NTM: variants seen among roughly 807,000 people sequenced by gnomAD.
NTM encodes the protein IgLON family member 2.
Under a neutral mutation model 42.1 loss-of-function variants are expected in NTM, and 13 were observed. The ratio of observed to expected loss-of-function variants is 0.31; its 90% confidence interval spans 0.20 to 0.49. The LOEUF (loss-of-function observed/expected upper bound fraction) is 0.49, where lower values mean the gene tolerates loss of function less well. Ranked by LOEUF, NTM falls within the 20% of genes least tolerant of loss-of-function variation. NTM has a pLI of 0.99. For missense variants in NTM, 373 were observed against 452.8 expected, an observed-to-expected ratio of 0.82 and a Z score of 1.60; for synonymous variants, 187 against 179.2, an observed-to-expected ratio of 1.04 and a Z score of -0.35.
chr11:132,069,705 C>CAAGTT (rs1431751388), intron 2 of NTM, among the ~76,000 whole-genome samples: 1 of 149,900 alleles, frequency 6.7e-6, no homozygotes, highest in African/African-American at 2.5e-5. Context: ...GTCACACAGC[C>CAAGTT]AGGTTAACAC....
At chr11:131,857,963 T>C (rs758009908) in intron 1 of NTM, among the ~76,000 whole-genome samples, 2 of 151,942 alleles carry the variant, frequency 1.3e-5, no homozygotes, top group Non-Finnish European at 2.9e-5. Flanking sequence ...TCCTGACAGC[T>C]CTCCCCCTTT....
chr11:131,387,310 C>T (rs1943442688), intron 1 of NTM, among the ~76,000 whole-genome samples: 2 of 152,158 alleles, frequency 1.3e-5, no homozygotes, highest in African/African-American at 4.8e-5. Flanking sequence ...CTCTCTCTCT[C>T]TCTCTCCCTC....
intron 2 of NTM, among the ~76,000 whole-genome samples, chr11:132,106,304 A>G (rs148142179): frequency 1.3e-5 from 2 of 152,264 alleles, no homozygotes; most frequent in East Asian, 3.9e-4. Context: ...CTTTTGTATG[A>G]TATTTCAACT....
At chr11:131,612,348 A>T (rs948146681) in intron 1 of NTM, among the ~76,000 whole-genome samples, 1 of 152,238 alleles carries the variant, frequency 6.6e-6, no homozygotes, top group African/African-American at 2.4e-5. Flanking sequence ...AGCTTAGGCT[A>T]TGGCCTGCTT....
chr11:131,639,034 A>G (rs146084102), intron 1 of NTM, among the ~76,000 whole-genome samples: 8 of 152,364 alleles, frequency 5.3e-5, no homozygotes, highest in Non-Finnish European at 1.0e-4. Context: ...ATATGAGAAT[A>G]CTGAGACACA....
intron 1 of NTM, among the ~76,000 whole-genome samples, chr11:131,396,368 G>A (rs890352020): frequency 3.3e-5 from 5 of 152,124 alleles, no homozygotes; most frequent in African/African-American, 1.2e-4. Context: ...GAGCTTCTCT[G>A]CCACTTTCCT....
intron 2 of NTM, among the ~76,000 whole-genome samples, chr11:131,926,028 C>A (rs1176906767): frequency 6.6e-6 from 1 of 152,084 alleles, no homozygotes; most frequent in Non-Finnish European, 1.5e-5. Flanking sequence ...CTCCTATGAG[C>A]CAGGAGCTGT....
intron 1 of NTM, among the ~76,000 whole-genome samples, chr11:131,680,387 C>CTGTG (rs377215170): frequency 1.4e-5 from 1 of 69,582 alleles, no homozygotes; most frequent in African/African-American, 4.8e-5. Context: ...CTGTGAGTGC[C>CTGTG]TGTGTGTGTG....
chr11:131,475,901 A>C (rs776276071), intron 1 of NTM, among the ~76,000 whole-genome samples: 4 of 152,238 alleles, frequency 2.6e-5, no homozygotes, highest in Non-Finnish European at 5.9e-5. Flanking sequence ...AGATAAAGAC[A>C]CATTCAAAAT....
At chr11:132,301,064 A>C (rs2094829286) in intron 4 of NTM, among the ~76,000 whole-genome samples, 1 of 152,222 alleles carries the variant, frequency 6.6e-6, no homozygotes, top group South Asian at 2.1e-4. Flanking sequence ...CACTGCTATA[A>C]GGACATACCC....
chr11:132,082,396 A>G (rs6590616), intron 2 of NTM, among the ~76,000 whole-genome samples: 38,324 of 152,070 alleles, frequency 0.25, 5,137 homozygotes, highest in African/African-American at 0.32. Flanking sequence ...CTCCCAGCAT[A>G]AGGCATGAAT....
intron 1 of NTM, among the ~76,000 whole-genome samples, chr11:131,884,827 C>T (rs572299): frequency 6.6e-6 from 1 of 152,150 alleles, no homozygotes; most frequent in Non-Finnish European, 1.5e-5. Context: ...GACAAAGGCT[C>T]TTTTGTAGAA....
chr11:131,789,554 A>G (rs1367923116), intron 1 of NTM, among the ~76,000 whole-genome samples: 1 of 13,926 alleles, frequency 7.2e-5, no homozygotes, highest in African/African-American at 4.1e-4. Flanking sequence ...AGAAAAGAAG[A>G]AGAAGAAGAA....
chr11:131,601,796 C>T (rs1187408211), intron 1 of NTM, among the ~76,000 whole-genome samples: 3 of 152,150 alleles, frequency 2.0e-5, no homozygotes, highest in Non-Finnish European at 4.4e-5. Flanking sequence ...TTTATTTAGT[C>T]ATCATATATT....
At chr11:132,196,100 A>G (rs2080160383) in intron 3 of NTM, among the ~76,000 whole-genome samples, 2 of 152,194 alleles carry the variant, frequency 1.3e-5, no homozygotes, top group East Asian at 3.9e-4. Flanking sequence ...TTCAACAAGC[A>G]AAAAACAAAT....
chr11:132,030,347 T>C (rs2075757267), intron 2 of NTM, among the ~76,000 whole-genome samples: 1 of 152,214 alleles, frequency 6.6e-6, no homozygotes, highest in South Asian at 2.1e-4. Context: ...GTGATATACA[T>C]ACAACAATTA....
intron 2 of NTM, among the ~76,000 whole-genome samples, chr11:132,046,975 C>T (rs1814528909): frequency 6.6e-6 from 1 of 152,216 alleles, no homozygotes. Flanking sequence ...ATTCAGTCCT[C>T]ATAGCAGCCC....
chr11:132,013,352 T>C (rs76923657), intron 2 of NTM, among the ~76,000 whole-genome samples: 3,249 of 152,120 alleles, frequency 0.021, 44 homozygotes, highest in South Asian at 0.055. Context: ...GCTTAGAGAG[T>C]CACTGATGCT....
chr11:132,229,582 T>A (rs1382714774), intron 4 of NTM, among the ~76,000 whole-genome samples: 1 of 152,212 alleles, frequency 6.6e-6, no homozygotes, highest in East Asian at 1.9e-4. Flanking sequence ...CTATTAACGG[T>A]ATTTTACAGA....
Sources: gnomAD v4.1 joint callset for allele counts (sites outside exome capture counted in the v4.1 genomes callset) on GRCh38, gnomAD v4.1.1 for gene constraint, MANE v1.5 for transcripts, NCBI Gene and HGNC (gene_info 2026-07-23, HGNC 2026-07-21) for gene names.